Variants in PDE10A observed in about 807,000 individuals in gnomAD.
The protein encoded by PDE10A is cAMP and cAMP-inhibited cGMP 3',5'-cyclic phosphodiesterase 10A.
PDE10A carries 39 observed loss-of-function variants against 97.7 expected under a neutral mutation model. The observed-to-expected ratio is 0.40, with a 90% confidence interval of 0.31 to 0.52. The LOEUF (loss-of-function observed/expected upper bound fraction) is 0.52. Ranked by LOEUF, PDE10A falls within the 20% of genes least tolerant of loss-of-function variation. PDE10A has a pLI of 0.56. For synonymous variants in PDE10A, 371 were observed against 376.8 expected (o/e 0.98, Z 0.18); for missense variants, 731 against 1,047.8 (o/e 0.70, Z 4.17).
chr6:165,368,374 T>C (rs1783967331), intron 18 of PDE10A, among the ~76,000 whole-genome samples: 1 of 152,176 alleles, frequency 6.6e-6, no homozygotes, highest in African/African-American at 2.4e-5. Context: ...GTATAACATA[T>C]GCAGCAATAA....
intron 1 of PDE10A, among the ~76,000 whole-genome samples, chr6:165,637,493 T>C (rs1213014989): frequency 6.6e-6 from 1 of 151,934 alleles, no homozygotes; most frequent in Non-Finnish European, 1.5e-5. Context: ...CTGCGGAAAA[T>C]TTTTCACATT....
rs538514975 is a variant in PDE10A, at chr6:165,431,518, G to GTA, written c.1492-48_1492-47dup. ...ATACCTATAAGTAATAATACATAAC[G>GTA]TATATATATATACTATATATAATAT... On this transcript the variant is annotated intron_variant, in intron 7 of 21. Coordinates refer to ENST00000539869, the MANE Select transcript of PDE10A (RefSeq NM_001385079.1). 154 of 899,474 alleles carry GTA rather than the reference G, an allele frequency of 1.7e-4. 1 individual carries two copies. Among genetic ancestry groups the GTA allele is most frequent in the South Asian group, 5.3e-4 (36 of 68,154 alleles). The allele number at this position is 899,474 out of a possible 1,614,324, so 55.7% of individuals were successfully genotyped here. A position where few individuals can be genotyped will look rare whatever the true frequency, so the allele number is the denominator to read the frequency against.
At chr6:165,721,595 CT>C (rs1383849582) in intron 1 of PDE10A, among the ~76,000 whole-genome samples, 1 of 152,144 alleles carries the variant, frequency 6.6e-6, no homozygotes, top group East Asian at 1.9e-4. Flanking sequence ...AATCCAGATG[CT>C]TTTTCTGGTA....
At chr6:165,923,140 A>T (rs538355902) in intron 1 of PDE10A, among the ~76,000 whole-genome samples, 47 of 152,334 alleles carry the variant, frequency 3.1e-4, no homozygotes, top group African/African-American at 1.1e-3. Context: ...GAACAATGCA[A>T]ACAAAAATGG....
rs565589313 is a variant in PDE10A at position 165,332,948 on chromosome 6, C to A, written c.*77G>T. Reference sequence around the variant, plus strand: ...CCAGGTGCAGGTTCCCCCCACCCCCCCCAAAAAAAGGAAAAGAATGTCAAA... The same window carrying A: ...CCAGGTGCAGGTTCCCCCCACCCCCACCAAAAAAAGGAAAAGAATGTCAAA... On this transcript the variant is annotated 3_prime_UTR_variant, in exon 22 of 22. Transcript: ENST00000539869. The A allele has an allele frequency of 2.9e-6, 2 of 686,528 alleles. No individual in the cohort carries two copies. The highest frequency in any genetic ancestry group is 5.2e-6 in the Non-Finnish European group (2 of 385,278). The allele number at this position is 686,528 out of a possible 1,614,324, so 42.5% of individuals were successfully genotyped here. A position where few individuals can be genotyped will look rare whatever the true frequency, so the allele number is the denominator to read the frequency against.
At chr6:165,432,878 T>C in intron 7 of PDE10A, 96 bp downstream of exon 7, 1 of 788,006 alleles carries the variant, frequency 1.3e-6, no homozygotes, top group South Asian at 2.0e-5. Flanking sequence ...TTAATTCATG[T>C]ATTTTCAGTT....
At chr6:165,765,525 C>A (rs1309107309) in intron 1 of PDE10A, among the ~76,000 whole-genome samples, 1 of 152,258 alleles carries the variant, frequency 6.6e-6, no homozygotes, top group Non-Finnish European at 1.5e-5. Context: ...GCCGCTGGCC[C>A]GGGTGCTAAG....
intron 17 of PDE10A, among the ~76,000 whole-genome samples, chr6:165,381,785 C>T (rs1249878920): frequency 6.6e-6 from 1 of 151,788 alleles, no homozygotes; most frequent in African/African-American, 2.4e-5. Context: ...CCGGCCACGT[C>T]TCCCTTTACT....
intron 1 of PDE10A, among the ~76,000 whole-genome samples, chr6:165,853,379 A>C (rs1447105148): frequency 6.6e-6 from 1 of 152,234 alleles, no homozygotes; most frequent in Non-Finnish European, 1.5e-5. Context: ...ACTAGGAATT[A>C]ATAGATCATC....
At chr6:165,708,233 T>G (rs1208375562) in intron 1 of PDE10A, among the ~76,000 whole-genome samples, 2 of 152,092 alleles carry the variant, frequency 1.3e-5, no homozygotes, top group African/African-American at 4.8e-5. Flanking sequence ...ACTCATGCCG[T>G]CCGTCCAGCA....
intron 1 of PDE10A, among the ~76,000 whole-genome samples, chr6:165,811,485 G>A (rs1779281962): frequency 6.6e-6 from 1 of 152,174 alleles, no homozygotes; most frequent in Admixed American, 6.5e-5. Context: ...TATTCTAGAA[G>A]GCCCATTCTG....
At chr6:165,856,490 T>C (rs540118793) in intron 1 of PDE10A, among the ~76,000 whole-genome samples, 40 of 152,334 alleles carry the variant, frequency 2.6e-4, no homozygotes, top group Admixed American at 5.9e-4. Flanking sequence ...GACTTTTTGA[T>C]GTCGTCCATG....
At chr6:165,886,197 A>AGGCCCTGG (rs1226024308) in intron 1 of PDE10A, among the ~76,000 whole-genome samples, 1 of 152,168 alleles carries the variant, frequency 6.6e-6, no homozygotes, top group Non-Finnish European at 1.5e-5. Context: ...GGATTCCAGC[A>AGGCCCTGG]GGCCCTGGAG....
intron 5 of PDE10A, among the ~76,000 whole-genome samples, chr6:165,447,447 A>G (rs933391146): frequency 1.3e-5 from 2 of 152,234 alleles, no homozygotes; most frequent in African/African-American, 4.8e-5. Context: ...AAGGGGTTGG[A>G]GGTGAGCACA....
chr6:165,913,719 C>T (rs1425635165), intron 1 of PDE10A, among the ~76,000 whole-genome samples: 1 of 152,114 alleles, frequency 6.6e-6, no homozygotes, highest in Non-Finnish European at 1.5e-5. Context: ...AGGAGACTCT[C>T]ATGATTCTGT....
At chr6:165,498,470 G>GT (rs1374035296) in intron 2 of PDE10A, among the ~76,000 whole-genome samples, 1 of 68,230 alleles carries the variant, frequency 1.5e-5, no homozygotes, top group African/African-American at 4.8e-5. Flanking sequence ...AAAAAAATCA[G>GT]TAACAGAGTA....
chr6:165,848,560 C>T (rs79987595), intron 1 of PDE10A, among the ~76,000 whole-genome samples: 4,868 of 152,162 alleles, frequency 0.032, 112 homozygotes, highest in Non-Finnish European at 0.049. Context: ...ACACACCATG[C>T]GGGAAAAATC....
chr6:165,661,901 A>C lies in PDE10A; in HGVS notation c.865+46T>G. On this transcript the variant is annotated intron_variant, in intron 1 of 21. Transcript: ENST00000539869. This position sits in a 1 kb window ranked among gnomAD's most constrained non-coding sequence, Gnocchi z 4.8. ...CAAGCCCCCCACCTGCCCCCAGGGGATGAGGAGCCGCCCCACCTCCGGGGA... is the reference window on the plus strand; with the variant it reads ...CAAGCCCCCCACCTGCCCCCAGGGGCTGAGGAGCCGCCCCACCTCCGGGGA... 2.6e-6 allele frequency: 2 copies of C among 772,612 alleles called. No homozygotes were observed. The highest frequency in any genetic ancestry group is 4.4e-6 in the Non-Finnish European group (2 of 449,648). 47.9% of individuals were successfully genotyped at this position (772,612 alleles called of 1,614,324 possible). A position where few individuals can be genotyped will look rare whatever the true frequency, so the allele number is the denominator to read the frequency against.
chr6:165,629,898 C>T (rs1489985700), intron 1 of PDE10A, among the ~76,000 whole-genome samples: 1 of 151,858 alleles, frequency 6.6e-6, no homozygotes, highest in Non-Finnish European at 1.5e-5. Flanking sequence ...AATTAAAGAA[C>T]AGTAGAGAAT....
Sources: allele counts gnomAD v4.1 joint callset (sites outside exome capture counted in the v4.1 genomes callset), GRCh38; gene constraint gnomAD v4.1.1; non-coding constraint Gnocchi (gnomAD v3.1); transcripts MANE v1.5; gene names NCBI Gene and HGNC (gene_info 2026-07-23, HGNC 2026-07-21).